FBXL7: variants seen among roughly 807,000 people sequenced by gnomAD.
The protein encoded by FBXL7 is F-box and leucine rich repeat protein 7.
Under a neutral mutation model 38.3 loss-of-function variants are expected in FBXL7, and 12 were observed. The observed-to-expected ratio is 0.31, with a 90% CI of 0.20 to 0.51. The LOEUF (loss-of-function observed/expected upper bound fraction) is 0.51, where lower values mean the gene tolerates loss of function less well. FBXL7 is among the 20% of genes least tolerant of loss of function. FBXL7 has a pLI of 0.98. For synonymous variants in FBXL7, 297 were observed against 300.9 expected (o/e 0.99, Z 0.13); for missense variants, 567 against 676.4 (o/e 0.84, Z 1.79).
At chr5:15,696,696 ACTTTT>A (rs1212391588) in intron 2 of FBXL7, among the ~76,000 whole-genome samples, 1 of 152,194 alleles carries the variant, frequency 6.6e-6, no homozygotes, top group African/African-American at 2.4e-5. Context: ...ACTAGGGCAG[ACTTTT>A]CTTTTCAAAA....
intron 2 of FBXL7, among the ~76,000 whole-genome samples, chr5:15,879,136 T>A (rs1250232260): frequency 1.3e-5 from 2 of 152,190 alleles, no homozygotes; most frequent in African/African-American, 2.4e-5. Context: ...TTCTAGAAGT[T>A]CATCTTTTTT....
At chr5:15,510,042 C>T (rs1187167847) in intron 1 of FBXL7, among the ~76,000 whole-genome samples, 1 of 152,222 alleles carries the variant, frequency 6.6e-6, no homozygotes, top group Non-Finnish European at 1.5e-5. Flanking sequence ...TAGACTGTTT[C>T]TGGAACTGCA....
chr5:15,934,565 A>T (rs913460824), intron 3 of FBXL7, among the ~76,000 whole-genome samples: 7 of 152,194 alleles, frequency 4.6e-5, no homozygotes, highest in Non-Finnish European at 8.8e-5. Flanking sequence ...GCATCTAAAG[A>T]TACCTTCCTG....
intron 2 of FBXL7, among the ~76,000 whole-genome samples, chr5:15,883,671 A>G (rs1740555041): frequency 6.6e-6 from 1 of 152,178 alleles, no homozygotes; most frequent in South Asian, 2.1e-4. Context: ...TGCCAGTTTT[A>G]TTGATCACTC....
chr5:15,506,848 A>G (rs933749392), intron 1 of FBXL7, among the ~76,000 whole-genome samples: 2 of 151,836 alleles, frequency 1.3e-5, no homozygotes, highest in Non-Finnish European at 2.9e-5. Context: ...GAGATTCAGC[A>G]TATGAATTTT....
chr5:15,582,940 T>G (rs1284718934), intron 1 of FBXL7, among the ~76,000 whole-genome samples: 2 of 152,090 alleles, frequency 1.3e-5, no homozygotes, highest in Non-Finnish European at 2.9e-5. Flanking sequence ...CTCATGTTTT[T>G]TTTTTTTTTT....
chr5:15,627,598 A>G (rs1740861164), intron 2 of FBXL7, among the ~76,000 whole-genome samples: 1 of 152,174 alleles, frequency 6.6e-6, no homozygotes, highest in African/African-American at 2.4e-5. Flanking sequence ...AATGGAGCCC[A>G]TATTTTTGGT....
chr5:15,663,207 A>C (rs1381955269), intron 2 of FBXL7, among the ~76,000 whole-genome samples: 1 of 151,922 alleles, frequency 6.6e-6, no homozygotes, highest in Non-Finnish European at 1.5e-5. Flanking sequence ...CATTGTAGAG[A>C]TCTTTCGCCT....
At chr5:15,567,658 C>G (rs1738628599) in intron 1 of FBXL7, among the ~76,000 whole-genome samples, 1 of 151,896 alleles carries the variant, frequency 6.6e-6, no homozygotes, top group South Asian at 2.1e-4. Context: ...GGGTTAGTTA[C>G]ATACGTATAC....
intron 2 of FBXL7, among the ~76,000 whole-genome samples, chr5:15,711,988 T>A (rs1743890118): frequency 6.6e-6 from 1 of 152,196 alleles, no homozygotes; most frequent in Non-Finnish European, 1.5e-5. Context: ...TCATCTGAAA[T>A]GCCATTATGA....
At chr5:15,812,893 T>G (rs1408974510) in intron 2 of FBXL7, among the ~76,000 whole-genome samples, 1 of 152,172 alleles carries the variant, frequency 6.6e-6, no homozygotes, top group Non-Finnish European at 1.5e-5. Flanking sequence ...TTTGTAGCAG[T>G]TGTGAATGGA....
Position 15,901,838 on chromosome 5 carries a change from A to G in FBXL7, c.128-26052A>G, listed in dbSNP as rs555891804. Among the ~76,000 whole-genome samples the G allele has an allele frequency of 2.1e-3, 327 of 152,272 alleles. 1 individual carries two copies. Among genetic ancestry groups the G allele is most frequent in the Non-Finnish European group, 3.6e-3 (247 of 68,020 alleles). ...GGATATGATTGCCGTGTCTTGCTGTATGTTGTATAGGTTTATTTTTCAGGT... is the reference window on the plus strand; with the variant it reads ...GGATATGATTGCCGTGTCTTGCTGTGTGTTGTATAGGTTTATTTTTCAGGT... On this transcript the variant is annotated intron_variant, in intron 2 of 3. Coordinates refer to ENST00000504595, the MANE Select transcript of FBXL7 (RefSeq NM_012304.5).
chr5:15,570,919 C>G (rs1282560156), intron 1 of FBXL7, among the ~76,000 whole-genome samples: 1 of 151,814 alleles, frequency 6.6e-6, no homozygotes, highest in African/African-American at 2.4e-5. Context: ...ATGGAGAAAC[C>G]CCATCTCTAC....
At chr5:15,669,283 G>A (rs945528458) in intron 2 of FBXL7, among the ~76,000 whole-genome samples, 1 of 152,264 alleles carries the variant, frequency 6.6e-6, no homozygotes, top group African/African-American at 2.4e-5. Context: ...CATACTTAAT[G>A]TATACACCTC....
chr5:15,826,993 G>C (rs542863061), intron 2 of FBXL7, among the ~76,000 whole-genome samples: 1 of 151,106 alleles, frequency 6.6e-6, no homozygotes, highest in African/African-American at 2.4e-5. Flanking sequence ...TGAGAGACAA[G>C]GTTCTCTCCA....
At chr5:15,764,209 A>C (rs1256256440) in intron 2 of FBXL7, among the ~76,000 whole-genome samples, 1 of 152,230 alleles carries the variant, frequency 6.6e-6, no homozygotes, top group African/African-American at 2.4e-5. Flanking sequence ...GTTTCATAAA[A>C]TGGAGACTGA....
chr5:15,881,967 C>G (rs1224407550), intron 2 of FBXL7, among the ~76,000 whole-genome samples: 2 of 152,140 alleles, frequency 1.3e-5, no homozygotes, highest in African/African-American at 2.4e-5. Context: ...AGGAAACTTA[C>G]AATCATGATG....
chr5:15,635,667 C>T (rs1255713821), intron 2 of FBXL7, among the ~76,000 whole-genome samples: 1 of 152,162 alleles, frequency 6.6e-6, no homozygotes, highest in Admixed American at 6.5e-5. Context: ...TGTGTATTTA[C>T]AGCATAGTGA....
chr5:15,538,849 T>C (rs527721701), intron 1 of FBXL7, among the ~76,000 whole-genome samples: 1 of 152,178 alleles, frequency 6.6e-6, no homozygotes, highest in South Asian at 2.1e-4. Flanking sequence ...TATTTTGAGA[T>C]TTATACAAAC....
Sources: allele counts gnomAD v4.1 joint callset (sites outside exome capture counted in the v4.1 genomes callset), GRCh38; gene constraint gnomAD v4.1.1; transcripts MANE v1.5; gene names NCBI Gene and HGNC (gene_info 2026-07-23, HGNC 2026-07-21).